SUPT3H: variants seen among roughly 807,000 people sequenced by gnomAD.
SUPT3H encodes SPT3 homolog, SAGA and STAGA complex component, also known as transcription initiation protein SPT3 homolog.
SUPT3H carries 44 observed loss-of-function variants against 44.3 expected under a neutral mutation model. The ratio of observed to expected loss-of-function variants is 0.99; its 90% CI spans 0.78 to 1.28. SUPT3H has a LOEUF of 1.28. Ranked by LOEUF, SUPT3H falls within the 50% of genes most tolerant of loss-of-function variation. The pLI, the probability that SUPT3H is intolerant of heterozygous loss-of-function variation, is 0.00. For missense variants in SUPT3H, 380 were observed against 387.1 expected, an observed-to-expected ratio of 0.98 and a Z score of 0.15; for synonymous variants, 124 against 125.6, an observed-to-expected ratio of 0.99 and a Z score of 0.09.
intron 2 of SUPT3H, among the ~76,000 whole-genome samples, chr6:45,332,218 A>C (rs111475192): frequency 6.6e-6 from 1 of 151,878 alleles, no homozygotes; most frequent in African/African-American, 2.4e-5. Flanking sequence ...TTTTCAACAA[A>C]TATTCATCTA....
At chr6:45,142,624 T>C (rs1351088872) in intron 2 of SUPT3H, among the ~76,000 whole-genome samples, 2 of 149,812 alleles carry the variant, frequency 1.3e-5, no homozygotes, top group Non-Finnish European at 2.9e-5. Context: ...TAATCTGAGC[T>C]ACTCAGGAGG....
intron 2 of SUPT3H, among the ~76,000 whole-genome samples, chr6:45,119,765 T>C (rs1322480696): frequency 6.6e-6 from 1 of 152,104 alleles, no homozygotes; most frequent in East Asian, 1.9e-4. Context: ...GAAGGAAAAA[T>C]GTTTGAAATT....
intron 2 of SUPT3H, among the ~76,000 whole-genome samples, chr6:45,182,203 C>G (rs1203255922): frequency 6.6e-6 from 1 of 152,210 alleles, no homozygotes; most frequent in Non-Finnish European, 1.5e-5. Flanking sequence ...ACTGCTGTTA[C>G]TGTCCCATAG....
At chr6:45,081,634 C>T (rs1795828561) in intron 3 of SUPT3H, among the ~76,000 whole-genome samples, 2 of 152,074 alleles carry the variant, frequency 1.3e-5, no homozygotes, top group Non-Finnish European at 2.9e-5. Flanking sequence ...CTAGAAATCA[C>T]CATCCAATCT....
At chr6:45,195,284 AGCTTTCCAACCCAT>A (rs1354292162) in intron 2 of SUPT3H, among the ~76,000 whole-genome samples, 3 of 152,168 alleles carry the variant, frequency 2.0e-5, no homozygotes, top group African/African-American at 7.2e-5. Flanking sequence ...CAATGATCAG[AGCTTTCCAACCCAT>A]GCCCTTAGGA....
At chr6:45,175,687 G>A (rs1811649182) in intron 2 of SUPT3H, among the ~76,000 whole-genome samples, 1 of 149,638 alleles carries the variant, frequency 6.7e-6, no homozygotes, top group East Asian at 2.0e-4. Context: ...ATGGTGCTAG[G>A]CCCTGAGGCA....
intron 2 of SUPT3H, among the ~76,000 whole-genome samples, chr6:45,291,156 A>G (rs1421445170): frequency 1.3e-5 from 2 of 152,194 alleles, no homozygotes; most frequent in Non-Finnish European, 2.9e-5. Context: ...ACCAGCCCAG[A>G]GCCTGGTAGA....
At chr6:45,343,631 C>T (rs747771899) in intron 2 of SUPT3H, among the ~76,000 whole-genome samples, 1 of 152,136 alleles carries the variant, frequency 6.6e-6, no homozygotes, top group Non-Finnish European at 1.5e-5. Flanking sequence ...TATTAAGTTG[C>T]ATAACAGTAC....
intron 2 of SUPT3H, among the ~76,000 whole-genome samples, chr6:45,146,177 G>C (rs1318630802): frequency 6.6e-6 from 1 of 152,078 alleles, no homozygotes; most frequent in East Asian, 1.9e-4. Context: ...TATCTACCCA[G>C]AGGAAAATAA....
chr6:45,282,762 C>A (rs1464518391), intron 2 of SUPT3H, among the ~76,000 whole-genome samples: 3 of 152,106 alleles, frequency 2.0e-5, no homozygotes. Context: ...TCGAGAAGAG[C>A]AACTCCAAGA....
At chr6:44,919,086 C>G (rs2153456000) in intron 10 of SUPT3H, among the ~76,000 whole-genome samples, 1 of 152,276 alleles carries the variant, frequency 6.6e-6, no homozygotes, top group South Asian at 2.1e-4. Context: ...ACAAAAAGTG[C>G]TAACTCATCA....
At chr6:45,114,722 AATAG>A (rs1800586668) in intron 2 of SUPT3H, among the ~76,000 whole-genome samples, 1 of 152,188 alleles carries the variant, frequency 6.6e-6, no homozygotes, top group African/African-American at 2.4e-5. Flanking sequence ...TCAAACTCTT[AATAG>A]ATAGCAGCAT....
intron 3 of SUPT3H, 32 bp from the exon 4 acceptor site, chr6:45,020,664 C>T: frequency 6.5e-7 from 1 of 1,531,422 alleles, no homozygotes; most frequent in Non-Finnish European, 9.0e-7. Flanking sequence ...AAATTTTTCT[C>T]AGTAACACAA....
chr6:44,919,648 AT>A (rs1768345355), intron 10 of SUPT3H, among the ~76,000 whole-genome samples: 1 of 152,116 alleles, frequency 6.6e-6, no homozygotes, highest in Admixed American at 6.6e-5. Flanking sequence ...ATTCAGCCAA[AT>A]TGTAAACTTG....
chr6:45,064,869 T>C (rs1372481650), intron 3 of SUPT3H, among the ~76,000 whole-genome samples: 41 of 146,536 alleles, frequency 2.8e-4, no homozygotes, highest in African/African-American at 6.1e-4. Flanking sequence ...TGGGAGACTT[T>C]AACACCCCAC....
chr6:45,353,509 T>C (rs1002575757), intron 2 of SUPT3H, among the ~76,000 whole-genome samples: 77 of 152,188 alleles, frequency 5.1e-4, no homozygotes, highest in Non-Finnish European at 1.1e-3. Flanking sequence ...AAAGGTAGTA[T>C]TTCAATTCTG....
intron 10 of SUPT3H, among the ~76,000 whole-genome samples, chr6:44,850,294 C>T (rs1772644537): frequency 6.6e-6 from 1 of 152,182 alleles, no homozygotes; most frequent in Admixed American, 6.5e-5. Flanking sequence ...AATCACAGTT[C>T]CCCTCCACTT....
chr6:45,258,182 T>C (rs1773732968), intron 2 of SUPT3H, among the ~76,000 whole-genome samples: 1 of 151,952 alleles, frequency 6.6e-6, no homozygotes, highest in East Asian at 1.9e-4. Context: ...CCAAGAAGAG[T>C]TTTTATATTT....
intron 9 of SUPT3H, among the ~76,000 whole-genome samples, chr6:44,935,851 C>T (rs985794998): frequency 6.6e-6 from 1 of 152,168 alleles, no homozygotes; most frequent in Non-Finnish European, 1.5e-5. Context: ...CTTAGGTTTG[C>T]CCCTGGATCT....
Sources: allele counts gnomAD v4.1 joint callset (sites outside exome capture counted in the v4.1 genomes callset), GRCh38; gene constraint gnomAD v4.1.1; transcripts MANE v1.5; gene names NCBI Gene and HGNC (gene_info 2026-07-23, HGNC 2026-07-21).